The following PCNX2 variants were observed in gnomAD, a reference collection of about 807,000 sequenced individuals.
PCNX2 encodes the protein pecanex 2.
A neutral mutation model predicts 223.8 loss-of-function variants in PCNX2; 168 were observed. The observed-to-expected ratio is 0.75, with a 90% CI of 0.66 to 0.85. PCNX2 has a LOEUF of 0.85. Among genes scored for constraint, PCNX2 ranks in the 40% least tolerant of loss-of-function variants. PCNX2 has a pLI of 0.00. For synonymous variants in PCNX2, 1,006 were observed against 1,052.6 expected, an observed-to-expected ratio of 0.96 and a Z score of 0.86; for missense variants, 2,507 against 2,675.5, an observed-to-expected ratio of 0.94 and a Z score of 1.39.
chr1:233,239,684 A>C (rs531717450), intron 8 of PCNX2, among the ~76,000 whole-genome samples: 12 of 152,334 alleles, frequency 7.9e-5, no homozygotes, highest in Admixed American at 7.2e-4. Context: ...AAAGCAGTGA[A>C]CACTGCCTTT....
In PCNX2 at chr1:233,258,551, C is replaced by G; in HGVS notation, c.1311G>C (p.Glu437Asp). ...SIPVITLDLP[E>D]GGGGGVPCPE... The stretch of plus-strand genomic sequence containing the variant: ...GACAGGGAACACCTCCTCCCCCACC[C>G]TCAGGCAGGTCCAGGGTGATTACAG... The change falls in exon 5 of 34, where the codon GAG (glutamate) becomes GAC (aspartate). Residue 437 changes from glutamate to aspartate, a missense_variant. Physicochemically the swap from Glu to Asp is conservative, Grantham distance 45. This residue lies in a region of PCNX2 where 1,031 missense variants were observed against 1,021.7 expected (regional missense o/e 1.01). Transcript: ENST00000258229. 1 of 1,613,998 alleles carries G rather than the reference C, an allele frequency of 6.2e-7. No homozygotes were observed. Among genetic ancestry groups the G allele is most frequent in the Non-Finnish European group, 8.5e-7 (1 of 1,179,890 alleles).
rs199865323 is a variant in PCNX2, at chr1:233,145,098, G to GGGACTA, written c.3518-5249_3518-5244dup. ...TCCTGCCTCAGCCTCCCAAGTGGCT[G>GGGACTA]GGACTACAGGCGCCTGCCACCACGC... On this transcript the variant is annotated intron_variant, in intron 19 of 33. Transcript: ENST00000258229. Among the ~76,000 whole-genome samples, 624 of 151,804 alleles carry GGGACTA rather than the reference G, an allele frequency of 4.1e-3. 33 individuals are homozygous for GGGACTA. In the East Asian group the frequency reaches 0.11, roughly 26 times the overall value.
rs551640367 is a variant in PCNX2, at chr1:233,175,168, G to C, written c.3273+2634C>G. On this transcript the variant is annotated intron_variant, in intron 17 of 33. Transcript: ENST00000258229. The stretch of plus-strand genomic sequence containing the variant: ...AACAAAATCAGAGACAATGGGAGGG[G>C]GGTTTATGCTTGCACAGTGTCACAG... Among the ~76,000 whole-genome samples the C allele has an allele frequency of 6.0e-4, 92 of 152,192 alleles. 3 individuals are homozygous for C. The South Asian group carries it at 0.015, about 24-fold the overall frequency.
chr1:233,200,213 A>AT lies in PCNX2; in HGVS notation c.2914dup (p.Ile972AsnfsTer13). The AT allele has an allele frequency of 6.3e-7, 1 of 1,594,740 alleles. No individual in the cohort carries two copies. Among genetic ancestry groups the AT allele is most frequent in the African/African-American group, 1.3e-5 (1 of 74,724 alleles). Reference sequence around the variant, plus strand: ...CAAAAGATAAGTGCAGAAAGTGTTGATTTGCGGGAAGAGCCCAAGGAGGGA... The same window carrying AT: ...CAAAAGATAAGTGCAGAAAGTGTTGATTTTGCGGGAAGAGCCCAAGGAGGGA... On this transcript the variant is annotated frameshift_variant, in exon 14 of 34. Transcript: ENST00000258229. LOFTEE classifies it high-confidence loss of function.
intron 18 of PCNX2, among the ~76,000 whole-genome samples, chr1:233,160,720 A>G (rs1201080094): frequency 6.6e-6 from 1 of 152,212 alleles, no homozygotes; most frequent in East Asian, 1.9e-4. Flanking sequence ...GGAGGTGAAG[A>G]ATAACCCATG....
At chr1:233,085,765 T>A (rs1349697163) in intron 23 of PCNX2, among the ~76,000 whole-genome samples, 1 of 152,138 alleles carries the variant, frequency 6.6e-6, no homozygotes, top group Non-Finnish European at 1.5e-5. Context: ...CTGACTCACC[T>A]AGAGATTACA....
intron 15 of PCNX2, among the ~76,000 whole-genome samples, chr1:233,198,368 A>G (rs1335218508): frequency 1.3e-5 from 2 of 152,188 alleles, no homozygotes; most frequent in African/African-American, 2.4e-5. Context: ...TGAGCCAGGT[A>G]CCTACAATAG....
chr1:233,090,916 G>A (rs866425507), intron 22 of PCNX2, among the ~76,000 whole-genome samples: 18 of 152,160 alleles, frequency 1.2e-4, no homozygotes, highest in Admixed American at 1.0e-3. Context: ...TGTTGCTTTT[G>A]GCTTAAGCCC....
intron 12 of PCNX2, among the ~76,000 whole-genome samples, chr1:233,211,484 G>T (rs1358524906): frequency 6.6e-6 from 1 of 152,144 alleles, no homozygotes; most frequent in Non-Finnish European, 1.5e-5. Context: ...GCTAATGTTT[G>T]TCTGGCCTTT....
At chr1:233,274,163 T>G (rs1435598576) in intron 1 of PCNX2, among the ~76,000 whole-genome samples, 1 of 152,210 alleles carries the variant, frequency 6.6e-6, no homozygotes, top group Non-Finnish European at 1.5e-5. Flanking sequence ...ATTAACATGC[T>G]GCAGCAAAGG....
intron 25 of PCNX2, among the ~76,000 whole-genome samples, chr1:233,054,024 A>ATTTGCTAATAAAACCAATGTCCTGG (rs1672100962): frequency 6.6e-6 from 1 of 152,102 alleles, no homozygotes; most frequent in Non-Finnish European, 1.5e-5. Flanking sequence ...CAATATCCTG[A>ATTTGCTAATAAAACCAATGTCCTGG]TTTGCTAATA....
chr1:233,248,429 G>T (rs1659256420), intron 8 of PCNX2, among the ~76,000 whole-genome samples: 1 of 151,958 alleles, frequency 6.6e-6, no homozygotes, highest in Admixed American at 6.6e-5. Flanking sequence ...TGAGAAAGAA[G>T]CATACTGTTC....
chr1:233,040,391 A>G (rs1671601260), intron 25 of PCNX2, among the ~76,000 whole-genome samples: 1 of 152,198 alleles, frequency 6.6e-6, no homozygotes, highest in South Asian at 2.1e-4. Flanking sequence ...CATGCAGTTC[A>G]CGTCATTTGC....
chr1:233,237,530 A>G (rs1658495798), intron 8 of PCNX2, among the ~76,000 whole-genome samples: 1 of 152,242 alleles, frequency 6.6e-6, no homozygotes, highest in South Asian at 2.1e-4. Context: ...TTTTATCTTT[A>G]ACCACACACA....
At chr1:233,160,855 T>C (rs901488729) in intron 18 of PCNX2, among the ~76,000 whole-genome samples, 1 of 152,216 alleles carries the variant, frequency 6.6e-6, no homozygotes, top group Admixed American at 6.5e-5. Context: ...ACTTTGTTTT[T>C]CTAACTGAAA....
chr1:233,181,305 T>C (rs1309645711), intron 15 of PCNX2, among the ~76,000 whole-genome samples: 1 of 150,384 alleles, frequency 6.6e-6, no homozygotes, highest in Non-Finnish European at 1.5e-5. Context: ...GTTCAAGCAA[T>C]TCTCATACCT....
In PCNX2 at chr1:233,080,429, CAT is replaced by C. The variant is rs1263223926; in HGVS notation, c.4076+9630_4076+9631del. Among the ~76,000 whole-genome samples the C allele has an allele frequency of 1.4e-4, 21 of 149,124 alleles. No individual in the cohort carries two copies. In the South Asian group the frequency reaches 3.8e-3, roughly 27 times the overall value. On this transcript the variant is annotated intron_variant, in intron 23 of 33. Coordinates refer to ENST00000258229, the MANE Select transcript of PCNX2 (RefSeq NM_014801.4). The stretch of plus-strand genomic sequence containing the variant: ...ACACACACACACACACACACACACA[CAT>C]GCACGCATCTTGTCTTAGTCACTTT...
At chr1:233,193,949 T>C (rs1680566860) in intron 15 of PCNX2, among the ~76,000 whole-genome samples, 1 of 151,992 alleles carries the variant, frequency 6.6e-6, no homozygotes. Flanking sequence ...TGTATATAAT[T>C]GGAGGCCCAA....
At chr1:233,034,167 G>A (rs1033376792) in intron 25 of PCNX2, among the ~76,000 whole-genome samples, 9 of 152,278 alleles carry the variant, frequency 5.9e-5, no homozygotes, top group Non-Finnish European at 1.0e-4. Flanking sequence ...AGCCGAGATC[G>A]TGCCGCTGCC....
Sources: allele counts gnomAD v4.1 joint callset (sites outside exome capture counted in the v4.1 genomes callset), GRCh38; gene constraint gnomAD v4.1.1; regional missense constraint gnomAD v4.1.1; transcripts MANE v1.5; gene names NCBI Gene and HGNC (gene_info 2026-07-23, HGNC 2026-07-21).